SMOX: variants seen among roughly 807,000 people sequenced by gnomAD.
The protein encoded by SMOX is spermine oxidase, also known as flavin containing amine oxidase.
In SMOX, 22 loss-of-function variants were observed where a neutral mutation model predicts 51.0. The observed-to-expected ratio is 0.43, with a 90% confidence interval of 0.31 to 0.62. SMOX has a LOEUF of 0.62. SMOX is among the 20% of genes least tolerant of loss of function. The pLI is 0.10. For synonymous variants in SMOX, 282 were observed against 307.8 expected, an observed-to-expected ratio of 0.92 and a Z score of 0.88; for missense variants, 566 against 777.7, an observed-to-expected ratio of 0.73 and a Z score of 3.24.
chr20:4,157,932 G>A (rs1331100192), intron 1 of SMOX, among the ~76,000 whole-genome samples: 6 of 151,994 alleles, frequency 3.9e-5, no homozygotes, highest in East Asian at 1.9e-4. Context: ...TTGGAGTCTC[G>A]CTCTGTCGCC....
At chr20:4,168,487 C>T (rs997236581) in intron 1 of SMOX, among the ~76,000 whole-genome samples, 2 of 151,990 alleles carry the variant, frequency 1.3e-5, no homozygotes, top group Non-Finnish European at 2.9e-5. Context: ...AAAGGCAGGG[C>T]TCAGGCACAC....
At position 4,166,221 on chromosome 20, in the gene SMOX, G is replaced by A. The variant is rs180825134; in HGVS notation, c.-26-8809G>A. ...CCTATAGGGTGAGGCTTGGGATGAAGCTGCAGGGGTGTGGCCTGGGGAAGT... is the reference window on the plus strand; with the variant it reads ...CCTATAGGGTGAGGCTTGGGATGAAACTGCAGGGGTGTGGCCTGGGGAAGT... On this transcript the variant is annotated intron_variant, in intron 1 of 6. Transcript: ENST00000305958. The surrounding 1 kb of genome is among the most constrained non-coding windows in gnomAD (Gnocchi z 4.2). 1.3e-5 allele frequency among the ~76,000 whole-genome samples: 2 copies of A among 152,280 alleles called. No homozygotes were observed. The highest frequency in any genetic ancestry group is 4.8e-5 in the African/African-American group (2 of 41,558).
Position 4,182,057 on chromosome 20 carries a change from G to C in SMOX, c.610-32G>C. The C allele has an allele frequency of 6.3e-7, 1 of 1,585,240 alleles. No homozygotes were observed. Among genetic ancestry groups the C allele is most frequent in the Admixed American group, 1.7e-5 (1 of 57,704 alleles). Reference sequence around the variant, plus strand: ...CTCCTACCCCTGCCCAACCCCGGCGGTCACCTGGCTTCTCCTTGGGTCTTC... The same window carrying C: ...CTCCTACCCCTGCCCAACCCCGGCGCTCACCTGGCTTCTCCTTGGGTCTTC... On this transcript the variant is annotated intron_variant, in intron 4 of 6. Transcript: ENST00000305958. This position sits in a 1 kb window ranked among gnomAD's most constrained non-coding sequence, Gnocchi z 8.4.
At chr20:4,176,960 G>A (rs1978904466) in intron 2 of SMOX, among the ~76,000 whole-genome samples, 1 of 152,184 alleles carries the variant, frequency 6.6e-6, no homozygotes, top group Non-Finnish European at 1.5e-5. Flanking sequence ...TGGGGATGTT[G>A]AAGAATTGAA....
rs1341560924 is a variant in SMOX, at chr20:4,181,999, T to TG, written c.609+28dup. The TG allele has an allele frequency of 1.2e-6, 2 of 1,611,632 alleles. No individual in the cohort carries two copies. Among genetic ancestry groups the TG allele is most frequent in the South Asian group, 2.2e-5 (2 of 90,698 alleles). On this transcript the variant is annotated intron_variant, in intron 4 of 6. Transcript: ENST00000305958. The surrounding 1 kb of genome is among the most constrained non-coding windows in gnomAD (Gnocchi z 5.6). ...AAGGTATCTTGAGGAAGACGGATTC[T>TG]GGGGGCGTCTGGGTCTGAGGAGGGC...
intron 1 of SMOX, among the ~76,000 whole-genome samples, chr20:4,150,732 C>T (rs1985697501): frequency 6.6e-6 from 1 of 151,922 alleles, no homozygotes; most frequent in African/African-American, 2.4e-5. Context: ...TTATGATGTC[C>T]TGGATGACAA....
Position 4,182,601 on chromosome 20 carries a change from G to T in SMOX, c.1122G>T (p.Glu374Asp). 2.5e-6 allele frequency: 4 copies of T among 1,614,112 alleles called. No homozygotes were observed. The highest frequency in any genetic ancestry group is 3.4e-6 in the Non-Finnish European group (4 of 1,180,026). The change falls in exon 5 of 7, where the codon GAG becomes GAT. Residue 374 changes from glutamate to aspartate, a missense_variant. By Grantham distance (45) the Glu-to-Asp change is conservative. Transcript: ENST00000305958. The surrounding 1 kb of genome is among the most constrained non-coding windows in gnomAD (Gnocchi z 8.4). ...ACAAGATCTTTCTGGAATTCGAGGA[G>T]CCCTTCTGGGGCCCTGAGTGCAACA... is the stretch of plus-strand genomic sequence containing the variant. ...TTDKIFLEFE[E>D]PFWGPECNSL...
chr20:4,150,862 G>C (rs377173776), intron 1 of SMOX, among the ~76,000 whole-genome samples: 8 of 119,768 alleles, frequency 6.7e-5, no homozygotes, highest in Admixed American at 2.3e-4. Flanking sequence ...ACGGAGTTTC[G>C]CTCTTTTCGC....
At chr20:4,160,150 A>G (rs1986235971) in intron 1 of SMOX, among the ~76,000 whole-genome samples, 1 of 152,162 alleles carries the variant, frequency 6.6e-6, no homozygotes. Context: ...ATCCAGCTGC[A>G]TGGGGCAGGG....
rs575950524 is a variant in SMOX at position 4,153,015 on chromosome 20, C to A, written c.-27+4038C>A. Among the ~76,000 whole-genome samples the A allele has an allele frequency of 2.6e-5, 4 of 152,330 alleles. No individual in the cohort carries two copies. Among genetic ancestry groups the A allele is most frequent in the African/African-American group, 9.6e-5 (4 of 41,574 alleles). ...TCAGTTATGTGTCAGCCGAGGGCTT[C>A]CTAAGAAGAGGCTTTTCCTGCCTCC... On this transcript the variant is annotated intron_variant, in intron 1 of 6. Transcript: ENST00000305958. This position sits in a 1 kb window ranked among gnomAD's most constrained non-coding sequence, Gnocchi z 4.4.
At chr20:4,159,993 G>A (rs923176809) in intron 1 of SMOX, among the ~76,000 whole-genome samples, 4 of 152,352 alleles carry the variant, frequency 2.6e-5, no homozygotes, top group African/African-American at 4.8e-5. Flanking sequence ...ATCGAGGACC[G>A]TCTAGAGGCA....
intron 1 of SMOX, among the ~76,000 whole-genome samples, chr20:4,162,348 T>C (rs1986375189): frequency 6.6e-6 from 1 of 152,164 alleles, no homozygotes; most frequent in Admixed American, 6.5e-5. Context: ...TCCAAGCCAG[T>C]CCAGGTGAGT....
chr20:4,166,578 T>C lies in SMOX; in HGVS notation c.-26-8452T>C, dbSNP rs1427342749. Among the ~76,000 whole-genome samples, 1 of 152,158 alleles carries C rather than the reference T, an allele frequency of 6.6e-6. No homozygotes were observed. The highest frequency in any genetic ancestry group is 2.4e-5 in the African/African-American group (1 of 41,432). On this transcript the variant is annotated intron_variant, in intron 1 of 6. Coordinates refer to ENST00000305958, the MANE Select transcript of SMOX (RefSeq NM_175839.3). The surrounding 1 kb of genome is among the most constrained non-coding windows in gnomAD (Gnocchi z 4.2). Reference sequence around the variant, plus strand: ...ACCCCCAGTTAGGTTTCTAGTTGAGTAGTCTCCTGGGTCTGCCCCTACAGG... The same window carrying C: ...ACCCCCAGTTAGGTTTCTAGTTGAGCAGTCTCCTGGGTCTGCCCCTACAGG...
chr20:4,169,157 A>C (rs1033442241), intron 1 of SMOX, among the ~76,000 whole-genome samples: 3 of 151,818 alleles, frequency 2.0e-5, no homozygotes, highest in African/African-American at 7.3e-5. Flanking sequence ...AGACAGTCTG[A>C]ATATGTTTGC....
In SMOX at chr20:4,177,067, A is replaced by G. The variant is rs1408745933; in HGVS notation, c.209-284A>G. Reference sequence around the variant, plus strand: ...GGTCTGATATCTGGTGTTACCTGAGAAAAAGGTGGGACGGAAAAAGAAGAG... The same window carrying G: ...GGTCTGATATCTGGTGTTACCTGAGGAAAAGGTGGGACGGAAAAAGAAGAG... On this transcript the variant is annotated intron_variant, in intron 2 of 6. Transcript: ENST00000305958. The surrounding 1 kb of genome is among the most constrained non-coding windows in gnomAD (Gnocchi z 4.3). 2.0e-5 allele frequency among the ~76,000 whole-genome samples: 3 copies of G among 152,196 alleles called. No homozygotes were observed. Among genetic ancestry groups the G allele is most frequent in the African/African-American group, 4.8e-5 (2 of 41,442 alleles).
chr20:4,180,104 T>C (rs1041664209), intron 3 of SMOX, among the ~76,000 whole-genome samples: 3 of 152,186 alleles, frequency 2.0e-5, no homozygotes, highest in African/African-American at 4.8e-5. Context: ...AGGAGGCAAA[T>C]TGAAAGCCTG....
chr20:4,182,075 G>T lies in SMOX; in HGVS notation c.610-14G>T, dbSNP rs1015455022. 1.9e-6 allele frequency: 3 copies of T among 1,585,824 alleles called. No homozygotes were observed. The African/African-American group carries it at 4.0e-5, about 21-fold the overall frequency. ...CCCGGCGGTCACCTGGCTTCTCCTT[G>T]GGTCTTCCCGCAGGTGGAGAGCTGT... On this transcript the variant is annotated splice_polypyrimidine_tract_variant and intron_variant, in intron 4 of 6. Transcript: ENST00000305958. This position sits in a 1 kb window ranked among gnomAD's most constrained non-coding sequence, Gnocchi z 8.4.
Position 4,172,247 on chromosome 20 carries a change from G to C in SMOX, c.-26-2783G>C, listed in dbSNP as rs1033112045. Among the ~76,000 whole-genome samples, 4 of 152,218 alleles carry C rather than the reference G, an allele frequency of 2.6e-5. No individual in the cohort carries two copies. Among genetic ancestry groups the C allele is most frequent in the African/African-American group, 9.6e-5 (4 of 41,470 alleles). On this transcript the variant is annotated intron_variant, in intron 1 of 6. Transcript: ENST00000305958. The surrounding 1 kb of genome is among the most constrained non-coding windows in gnomAD (Gnocchi z 7.7). Reference sequence around the variant, plus strand: ...CCGGGCGGGTTGCGGCGCCACGTCAGTCCAGGGTGCCCAGGGTGGCGGCGT... The same window carrying C: ...CCGGGCGGGTTGCGGCGCCACGTCACTCCAGGGTGCCCAGGGTGGCGGCGT...
chr20:4,183,387 C>T lies in SMOX; in HGVS notation c.1370-107C>T. 1 of 1,548,468 alleles carries T rather than the reference C, an allele frequency of 6.5e-7. No individual in the cohort carries two copies. Among genetic ancestry groups the T allele is most frequent in the Non-Finnish European group, 8.9e-7 (1 of 1,126,042 alleles). ...CGTGCCTACCCCTGGCAGTCTGGTC[C>T]TCCCGGAGCCCTGGAGGTGGGGTGG... is the stretch of plus-strand genomic sequence containing the variant. On this transcript the variant is annotated intron_variant, in intron 5 of 6. Coordinates refer to ENST00000305958, the MANE Select transcript of SMOX (RefSeq NM_175839.3). This position sits in a 1 kb window ranked among gnomAD's most constrained non-coding sequence, Gnocchi z 4.3.
Sources: allele counts gnomAD v4.1 joint callset (sites outside exome capture counted in the v4.1 genomes callset), GRCh38; gene constraint gnomAD v4.1.1; non-coding constraint Gnocchi (gnomAD v3.1); transcripts MANE v1.5; gene names NCBI Gene and HGNC (gene_info 2026-07-23, HGNC 2026-07-21).